LPIN1: variants seen among roughly 807,000 people sequenced by gnomAD.
LPIN1 encodes the protein lipin 1, also known as phosphatidate phosphatase LPIN1.
Under a neutral mutation model 107.5 loss-of-function variants are expected in LPIN1, and 71 were observed. That is an observed-to-expected ratio of 0.66 (90% confidence interval 0.55 to 0.80). The LOEUF is 0.80. LPIN1 is among the 30% of genes least tolerant of loss of function. The probability of loss-of-function intolerance (pLI) is 0.00; values close to 1 mark genes in which losing one functional copy is unlikely to be tolerated. For synonymous variants in LPIN1, 445 were observed against 452.6 expected (o/e 0.98, Z 0.21); for missense variants, 1,043 against 1,160.6 (o/e 0.90, Z 1.47).
At chr2:11,753,371 GA>G (rs1188007631) in intron 1 of LPIN1, among the ~76,000 whole-genome samples, 2 of 152,196 alleles carry the variant, frequency 1.3e-5, no homozygotes, top group African/African-American at 4.8e-5. Context: ...TTTTGGACGG[GA>G]ATGTCTCACG....
chr2:11,799,948 G>A (rs1677398009), intron 14 of LPIN1, among the ~76,000 whole-genome samples: 1 of 152,164 alleles, frequency 6.6e-6, no homozygotes, highest in African/African-American at 2.4e-5. Flanking sequence ...ATGTCATGGC[G>A]TTGTTCCATC....
At chr2:11,759,133 T>TTTTCTTTCTTTCTTTTC (rs1669147394) in intron 1 of LPIN1, among the ~76,000 whole-genome samples, 4 of 131,534 alleles carry the variant, frequency 3.0e-5, no homozygotes, top group African/African-American at 1.2e-4. Context: ...GCTTTCTTTC[T>TTTTCTTTCTTTCTTTTC]TTTCTTTCTT....
Position 11,786,308 on chromosome 2 carries a change from G to A in LPIN1, c.1550-766G>A, listed in dbSNP as rs1403730376. 6.6e-6 allele frequency among the ~76,000 whole-genome samples: 1 copy of A among 152,160 alleles called. No individual in the cohort carries two copies. Among genetic ancestry groups the A allele is most frequent in the Non-Finnish European group, 1.5e-5 (1 of 68,028 alleles). ...AGATTCTCAGTGTCTGATGTCTGCT[G>A]GGTTTCGGTTCGGTTCAGGGTAAAT... On this transcript the variant is annotated intron_variant, in intron 10 of 20. Transcript: ENST00000674199. The surrounding 1 kb of genome is among the most constrained non-coding windows in gnomAD (Gnocchi z 4.1).
intron 1 of LPIN1, among the ~76,000 whole-genome samples, chr2:11,748,773 C>A (rs966391243): frequency 1.3e-5 from 2 of 152,182 alleles, no homozygotes; most frequent in African/African-American, 2.4e-5. Flanking sequence ...TTTGGGCAAG[C>A]CTGCCAATGG....
chr2:11,759,676 G>A (rs1294889436), intron 1 of LPIN1, among the ~76,000 whole-genome samples: 9 of 152,142 alleles, frequency 5.9e-5, no homozygotes, highest in Non-Finnish European at 8.8e-5. Flanking sequence ...ATCATGGCCC[G>A]TTCTCAATGA....
chr2:11,686,993 C>CTTTTTTTTT (rs141927239), intron 1 of LPIN1, among the ~76,000 whole-genome samples: 7 of 85,142 alleles, frequency 8.2e-5, no homozygotes, highest in Admixed American at 1.6e-4. Context: ...GCTTTTGATC[C>CTTTTTTTTT]TTTTTTTTTT....
chr2:11,693,659 C>T (rs1008245465), intron 1 of LPIN1, among the ~76,000 whole-genome samples: 3 of 151,484 alleles, frequency 2.0e-5, no homozygotes, highest in Admixed American at 6.6e-5. Context: ...ATTTCCTCAT[C>T]TTCAATGGGG....
chr2:11,712,581 G>C (rs1444473012), intron 1 of LPIN1, among the ~76,000 whole-genome samples: 6 of 152,182 alleles, frequency 3.9e-5, no homozygotes, highest in Non-Finnish European at 8.8e-5. Context: ...ATGATGTAAA[G>C]CAACACCATT....
rs1025795854 is a variant in LPIN1, at chr2:11,820,492, C to T, written c.2599C>T (p.His867Tyr). 2.5e-6 allele frequency: 4 copies of T among 1,611,558 alleles called. No homozygotes were observed. Among genetic ancestry groups the T allele is most frequent in the Non-Finnish European group, 3.4e-6 (4 of 1,177,646 alleles). Residue 867 changes from histidine (H) to tyrosine (Y), a missense_variant, in exon 20 of 21, where the codon CAT (histidine) becomes TAT (tyrosine). Physicochemically the swap from His to Tyr is moderately conservative, Grantham distance 83. Transcript: ENST00000674199. The stretch of plus-strand genomic sequence containing the variant: ...CCCTAAAGGAGAGCTGGTACAGGAA[C>T]ATGCAAAGACCAACATCTCTTCGTG... ...VNPKGELVQE[H>Y]AKTNISSYVR...
intron 1 of LPIN1, among the ~76,000 whole-genome samples, chr2:11,747,254 G>C (rs750685556): frequency 6.6e-6 from 1 of 152,232 alleles, no homozygotes; most frequent in Non-Finnish European, 1.5e-5. Flanking sequence ...GCTCTCCCCT[G>C]CGAGGCCTCT....
At chr2:11,732,893 TTCTCTC>T (rs541063769) in intron 1 of LPIN1, among the ~76,000 whole-genome samples, 25 of 149,234 alleles carry the variant, frequency 1.7e-4, no homozygotes, top group African/African-American at 5.5e-4. Context: ...CTCTCTCTCT[TTCTCTC>T]TCTCTCTCTC....
intron 20 of LPIN1, among the ~76,000 whole-genome samples, chr2:11,821,084 A>T (rs1681429923): frequency 6.6e-6 from 1 of 152,170 alleles, no homozygotes; most frequent in Non-Finnish European, 1.5e-5. Flanking sequence ...ACTTATTAGG[A>T]TGGAGAGCAT....
At chr2:11,706,401 AG>A (rs1183895806) in intron 1 of LPIN1, among the ~76,000 whole-genome samples, 2 of 152,196 alleles carry the variant, frequency 1.3e-5, no homozygotes, top group African/African-American at 2.4e-5. Flanking sequence ...GGAAAGAATG[AG>A]GGTTGCAGTT....
At chr2:11,724,815 T>C (rs1037111890) in intron 1 of LPIN1, among the ~76,000 whole-genome samples, 2 of 152,250 alleles carry the variant, frequency 1.3e-5, no homozygotes, top group African/African-American at 4.8e-5. Context: ...TGATTCTGTT[T>C]GCTGGTTCGC....
At chr2:11,732,031 T>A (rs1665287950) in intron 1 of LPIN1, among the ~76,000 whole-genome samples, 2 of 152,236 alleles carry the variant, frequency 1.3e-5, no homozygotes, top group Admixed American at 1.3e-4. Context: ...AGGTTGCCTG[T>A]TCACTCTGAT....
chr2:11,782,156 G>C (rs762126097), intron 7 of LPIN1, 45 bp from the exon 8 acceptor site: 1 of 1,512,746 alleles, frequency 6.6e-7, no homozygotes, highest in South Asian at 1.1e-5. Context: ...TTGCCTTTGT[G>C]CTGACCTTGT....
chr2:11,807,811 G>C (rs532907057), intron 17 of LPIN1, among the ~76,000 whole-genome samples: 11 of 152,260 alleles, frequency 7.2e-5, no homozygotes, highest in African/African-American at 2.6e-4. Flanking sequence ...CATCTTCAGG[G>C]CAGCTTTCTA....
intron 14 of LPIN1, among the ~76,000 whole-genome samples, chr2:11,799,278 A>C (rs1053534776): frequency 3.9e-5 from 6 of 152,082 alleles, no homozygotes; most frequent in African/African-American, 1.4e-4. Context: ...GCAGATGGAA[A>C]TCACAGCTAT....
At position 11,824,645 on chromosome 2, in the gene LPIN1, T is replaced by C; in HGVS notation, c.2635T>C (p.Cys879Arg). 1 of 1,614,120 alleles carries C rather than the reference T, an allele frequency of 6.2e-7. No individual in the cohort carries two copies. Among genetic ancestry groups the C allele is most frequent in the Non-Finnish European group, 8.5e-7 (1 of 1,180,028 alleles). ...KTNISSYVRLCEVVDHVFPLL... is the reference protein window; with the variant it reads ...KTNISSYVRLREVVDHVFPLL... ...CTTTCCTTCCAGGTATGTGAGACTC[T>C]GTGAAGTAGTCGACCACGTTTTCCC... Residue 879 changes from cysteine to arginine, a missense_variant, in exon 21 of 21, where the codon TGT (cysteine) becomes CGT (arginine). Cys to Arg is a radical substitution (Grantham distance 180). Transcript: ENST00000674199.
Sources: allele counts gnomAD v4.1 joint callset (sites outside exome capture counted in the v4.1 genomes callset), GRCh38; gene constraint gnomAD v4.1.1; non-coding constraint Gnocchi (gnomAD v3.1); transcripts MANE v1.5; gene names NCBI Gene and HGNC (gene_info 2026-07-23, HGNC 2026-07-21).